MAP4K1: variants seen among roughly 807,000 people sequenced by gnomAD.
MAP4K1 encodes the protein MAPK/ERK kinase kinase kinase 1.
MAP4K1 carries 35 observed loss-of-function variants against 122.8 expected under a neutral mutation model. The observed-to-expected ratio is 0.29, with a 90% CI of 0.22 to 0.38. The LOEUF is 0.38. Ranked by LOEUF, MAP4K1 falls within the 10% of genes least tolerant of loss-of-function variation. The probability of loss-of-function intolerance (pLI) is 1.00; values close to 1 mark genes in which losing one functional copy is unlikely to be tolerated. For missense variants in MAP4K1, 791 were observed against 1,072.6 expected (o/e 0.74, Z 3.67); for synonymous variants, 412 against 421.3 (o/e 0.98, Z 0.27).
chr19:38,612,832 G>T, intron 8 of MAP4K1, 90 bp from the exon 9 acceptor site: 2 of 1,377,980 alleles, frequency 1.5e-6, no homozygotes, highest in Non-Finnish European at 2.0e-6. Flanking sequence ...GAGGGGAGAC[G>T]CAGCACACAG....
chr19:38,590,394 A>ATATATTTTTT (rs1226154169), intron 30 of MAP4K1, among the ~76,000 whole-genome samples: 1 of 17,298 alleles, frequency 5.8e-5, no homozygotes, highest in Non-Finnish European at 1.0e-4. Context: ...AAAAAAAAAA[A>ATATATTTTTT]ATATATATAT....
At chr19:38,605,086 TA>T (rs762922462) in intron 19 of MAP4K1, among the ~76,000 whole-genome samples, 11,690 of 124,656 alleles carry the variant, frequency 0.094, 869 homozygotes, top group East Asian at 0.31. Flanking sequence ...ACTCCGTCTT[TA>T]AAAAAAAAAA....
Position 38,597,316 on chromosome 19 carries a change from T to G in MAP4K1, c.1837+10A>C, listed in dbSNP as rs767071858. On this transcript the variant is annotated intron_variant, in intron 24 of 30. Coordinates refer to ENST00000396857, the MANE Select transcript of MAP4K1 (RefSeq NM_001042600.3). The surrounding 1 kb of genome is among the most constrained non-coding windows in gnomAD (Gnocchi z 4.6). ...CCCACTCTCTGCACACCCGTGAAGC[T>G]CTCTCTCACCCACACAGCACGCCCG... The G allele has an allele frequency of 1.7e-5, 27 of 1,613,758 alleles. No individual in the cohort carries two copies. The highest frequency in any genetic ancestry group is 2.2e-5 in the South Asian group (2 of 91,080).
At chr19:38,614,504 G>GACTCCCCAGCCCA in intron 4 of MAP4K1, 59 bp from the exon 5 acceptor site, 2 of 1,595,728 alleles carry the variant, frequency 1.3e-6, no homozygotes, top group Non-Finnish European at 1.7e-6. Flanking sequence ...ACCTGGGCTG[G>GACTCCCCAGCCCA]GGAGTCCTGC....
At chr19:38,606,006 G>C (rs377353965) in intron 17 of MAP4K1, among the ~76,000 whole-genome samples, 167 bp downstream of exon 17, 10 of 152,182 alleles carry the variant, frequency 6.6e-5, no homozygotes, top group African/African-American at 2.2e-4. Flanking sequence ...TTTTGAATCC[G>C]ACCCTGAGGT....
chr19:38,601,393 T>C (rs1225073592), intron 20 of MAP4K1, 48 bp downstream of exon 20: 10 of 1,522,238 alleles, frequency 6.6e-6, no homozygotes, highest in Non-Finnish European at 9.0e-6. Context: ...CCCCTACTTT[T>C]GCTCTCCCAT....
In MAP4K1 at chr19:38,587,712, G is replaced by T. The variant is rs751933901; in HGVS notation, c.*36C>A. 7 of 1,500,660 alleles carry T rather than the reference G, an allele frequency of 4.7e-6. No individual in the cohort carries two copies. The Admixed American group carries it at 1.2e-4, about 25-fold the overall frequency. The allele number at this position is 1,500,660 out of a possible 1,614,324, so 93.0% of individuals were successfully genotyped here. A position where few individuals can be genotyped will look rare whatever the true frequency, so the allele number is the denominator to read the frequency against. On this transcript the variant is annotated 3_prime_UTR_variant, in exon 31 of 31. Transcript: ENST00000396857. ...CCACTAGTGTGTCTATGGGGGAGGGGGTGCAAGGACTAGTTCCTGACACCC... is the reference window on the plus strand; with the variant it reads ...CCACTAGTGTGTCTATGGGGGAGGGTGTGCAAGGACTAGTTCCTGACACCC...
At chr19:38,605,342 TCCCCA>T in intron 19 of MAP4K1, 62 bp downstream of exon 19, 1 of 651,964 alleles carries the variant, frequency 1.5e-6, no homozygotes, top group Non-Finnish European at 2.8e-6. Flanking sequence ...TGCCACCCCC[TCCCCA>T]CCCCACCAGG....
chr19:38,599,034 A>G (rs1474373184), intron 22 of MAP4K1, among the ~76,000 whole-genome samples: 1 of 147,126 alleles, frequency 6.8e-6, no homozygotes, highest in Non-Finnish European at 1.5e-5. Flanking sequence ...AAAAAAAAAA[A>G]AGGACTAATT....
Position 38,608,010 on chromosome 19 carries a change from G to T in MAP4K1, c.1089C>A (p.Asp363Glu). 1 of 1,610,218 alleles carries T rather than the reference G, an allele frequency of 6.2e-7. No homozygotes were observed. Among genetic ancestry groups the T allele is most frequent in the Non-Finnish European group, 8.5e-7 (1 of 1,177,804 alleles). Residue 363 changes from aspartate (D) to glutamate (E), a missense_variant, in exon 15 of 31, where the codon GAC becomes GAA. Coordinates refer to ENST00000396857, the MANE Select transcript of MAP4K1 (RefSeq NM_001042600.3). ...ANTARLQPPR[D>E]LRSSSPRKQL... Reference sequence around the variant, plus strand: ...CTGACCTGGGGCTGCTGCTCCTGAGGTCTCGAGGAGGCTGTAGGCGAGCCT... The same window carrying T: ...CTGACCTGGGGCTGCTGCTCCTGAGTTCTCGAGGAGGCTGTAGGCGAGCCT...
In MAP4K1 at chr19:38,590,898, C is replaced by A. The variant is rs141432894; in HGVS notation, c.2396+2384G>T. 3.9e-5 allele frequency among the ~76,000 whole-genome samples: 6 copies of A among 152,134 alleles called. No homozygotes were observed. In the East Asian group the frequency reaches 1.2e-3, roughly 29 times the overall value. On this transcript the variant is annotated intron_variant, in intron 30 of 30. Coordinates refer to ENST00000396857, the MANE Select transcript of MAP4K1 (RefSeq NM_001042600.3). Reference sequence around the variant, plus strand: ...TCCTTGCTTTGATTCAGGAAACATACACTGAAGTATTTTAGGGGTAAATGG... The same window carrying A: ...TCCTTGCTTTGATTCAGGAAACATAAACTGAAGTATTTTAGGGGTAAATGG...
chr19:38,617,507 C>A lies in MAP4K1; in HGVS notation c.157+61G>T. On this transcript the variant is annotated intron_variant, in intron 2 of 30. Coordinates refer to ENST00000396857, the MANE Select transcript of MAP4K1 (RefSeq NM_001042600.3). This position sits in a 1 kb window ranked among gnomAD's most constrained non-coding sequence, Gnocchi z 4.1. ...GGGAGAGAGCTACAGGGGAGGTGAT[C>A]CCAGTGTCCCAGGAGGCGAAGGTGG... is the stretch of plus-strand genomic sequence containing the variant. The A allele has an allele frequency of 6.2e-7, 1 of 1,607,162 alleles. No homozygotes were observed. The highest frequency in any genetic ancestry group is 8.5e-7 in the Non-Finnish European group (1 of 1,174,520).
intron 9 of MAP4K1, 109 bp from the exon 10 acceptor site, chr19:38,611,414 C>T (rs1324673685): frequency 3.9e-6 from 3 of 760,086 alleles, no homozygotes; most frequent in Non-Finnish European, 7.0e-6. Flanking sequence ...AAGTGAGAAA[C>T]AGCATGGAAG....
At chr19:38,588,127 G>A (rs188824837) in intron 30 of MAP4K1, among the ~76,000 whole-genome samples, 7 of 152,278 alleles carry the variant, frequency 4.6e-5, no homozygotes, top group Admixed American at 4.6e-4. Flanking sequence ...TGGTGAAAGG[G>A]CAAGGAAGAG....
At chr19:38,600,026 A>T in intron 21 of MAP4K1, 41 bp from the exon 22 acceptor site, 1 of 1,614,066 alleles carries the variant, frequency 6.2e-7, no homozygotes, top group East Asian at 2.2e-5. Flanking sequence ...ACACCCCAGC[A>T]ACCCCCGACT....
intron 11 of MAP4K1, 68 bp downstream of exon 11, chr19:38,610,983 A>G (rs1599716590): frequency 5.1e-6 from 7 of 1,368,392 alleles, no homozygotes; most frequent in Middle Eastern, 1.8e-4. Context: ...AAAGTTATCC[A>G]TGTCCTCGGG....
At chr19:38,587,894 T>C (rs1024456700) in intron 30 of MAP4K1, 77 bp from the exon 31 acceptor site, 35 of 1,157,160 alleles carry the variant, frequency 3.0e-5, no homozygotes, top group Admixed American at 8.9e-5. Context: ...AAGTAGTTAA[T>C]AGAGACTGTG....
rs1338927866 is a variant in MAP4K1, at chr19:38,590,999, ACATATACT to A, written c.2396+2275_2396+2282del. Among the ~76,000 whole-genome samples the A allele has an allele frequency of 2.1e-4, 32 of 150,948 alleles. No homozygotes were observed. The South Asian group carries it at 6.7e-3, about 32-fold the overall frequency. On this transcript the variant is annotated intron_variant, in intron 30 of 30. Coordinates refer to ENST00000396857, the MANE Select transcript of MAP4K1 (RefSeq NM_001042600.3). ...CACACACACACACACACACACACAC[ACATATACT>A]TGTATGTGTGGTGTGTGCGCATAAG...
intron 30 of MAP4K1, among the ~76,000 whole-genome samples, chr19:38,592,876 C>T (rs1189397668): frequency 6.6e-6 from 1 of 152,024 alleles, no homozygotes; most frequent in African/African-American, 2.4e-5. Flanking sequence ...AAGATCACAC[C>T]ATTGCACTCC....
Sources: gnomAD v4.1 joint callset for allele counts (sites outside exome capture counted in the v4.1 genomes callset) on GRCh38, gnomAD v4.1.1 for gene constraint, Gnocchi (gnomAD v3.1) non-coding constraint, MANE v1.5 for transcripts, NCBI Gene and HGNC (gene_info 2026-07-23, HGNC 2026-07-21) for gene names.